The following CD164 variants were observed in gnomAD, a reference collection of about 807,000 sequenced individuals.
CD164 encodes the protein CD164 molecule, also known as sialomucin core protein 24.
A neutral mutation model predicts 24.6 loss-of-function variants in CD164; 11 were observed. The ratio of observed to expected loss-of-function variants is 0.45; its 90% confidence interval spans 0.28 to 0.74. The LOEUF (loss-of-function observed/expected upper bound fraction) is 0.74, where lower values mean the gene tolerates loss of function less well. Ranked by LOEUF, CD164 falls within the 30% of genes least tolerant of loss-of-function variation. CD164 has a pLI of 0.13. For missense variants in CD164, 295 were observed against 243.7 expected, an observed-to-expected ratio of 1.21 and a Z score of -1.40; for synonymous variants, 126 against 100.3, an observed-to-expected ratio of 1.26 and a Z score of -1.53.
At position 109,379,676 on chromosome 6, in the gene CD164, G is replaced by A. The variant is rs771811963; in HGVS notation, c.176-14C>T. ...CTTCACAGGTTTCTGGGGAGTTGGG[G>A]GGAGAGATGCATGAAATCAATGATT... On this transcript the variant is annotated splice_polypyrimidine_tract_variant and intron_variant, in intron 1 of 5. Transcript: ENST00000310786. 1 of 1,592,644 alleles carries A rather than the reference G, an allele frequency of 6.3e-7. No individual in the cohort carries two copies. The highest frequency in any genetic ancestry group is 1.7e-5 in the Admixed American group (1 of 58,208).
chr6:109,369,847 G>A (rs1770979146), intron 5 of CD164, among the ~76,000 whole-genome samples: 1 of 152,102 alleles, frequency 6.6e-6, no homozygotes, highest in Non-Finnish European at 1.5e-5. Flanking sequence ...ATGGAGGGAG[G>A]AAAGGATTCC....
chr6:109,375,199 C>T lies in CD164; in HGVS notation c.370+875G>A, dbSNP rs1470062840. On this transcript the variant is annotated intron_variant, in intron 4 of 5. Transcript: ENST00000310786. Reference sequence around the variant, plus strand: ...CCTAGAAATTCTGTTTGACTCAAACCTATCAGAGATAAATACAAATGCAAT... The same window carrying T: ...CCTAGAAATTCTGTTTGACTCAAACTTATCAGAGATAAATACAAATGCAAT... Among the ~76,000 whole-genome samples, 3 of 152,062 alleles carry T rather than the reference C, an allele frequency of 2.0e-5. No individual in the cohort carries two copies. In the East Asian group the frequency reaches 5.8e-4, roughly 29 times the overall value.
At chr6:109,377,874 T>C in intron 3 of CD164, 26 bp downstream of exon 3, 1 of 1,590,376 alleles carries the variant, frequency 6.3e-7, no homozygotes, top group Non-Finnish European at 8.6e-7. Context: ...GCGGTCAGCT[T>C]CCAAGCAGCC....
At chr6:109,370,985 C>T (rs9372213) in intron 4 of CD164, 88,696 of 154,184 alleles carry the variant, frequency 0.58, 27,218 homozygotes, top group African/African-American at 0.8. Flanking sequence ...AACATGCAGA[C>T]GAATGGGCAT....
At chr6:109,379,390 G>A (rs1158110179) in intron 2 of CD164, among the ~76,000 whole-genome samples, 189 bp downstream of exon 2, 2 of 152,190 alleles carry the variant, frequency 1.3e-5, no homozygotes, top group African/African-American at 4.8e-5. Flanking sequence ...GGAATCTAAA[G>A]GGAGGATGGG....
At chr6:109,377,137 A>C (rs1275605194) in intron 3 of CD164, among the ~76,000 whole-genome samples, 1 of 152,210 alleles carries the variant, frequency 6.6e-6, no homozygotes, top group Admixed American at 6.5e-5. Flanking sequence ...TGTCTCAAAA[A>C]AAGTTTGTTC....
chr6:109,382,321 C>G lies in CD164; in HGVS notation c.58G>C (p.Val20Leu). The change falls in exon 1 of 6, where the codon GTG (valine) becomes CTG (leucine). Residue 20 changes from valine to leucine, a missense_variant. By Grantham distance (32) the Val-to-Leu change is conservative. Transcript: ENST00000310786. The stretch of plus-strand genomic sequence containing the variant: ...GTCGTGTTCTTGTCCGCGGACAGCA[C>G]GCAGAGCACGCCCAGGCAGGTGGCG... ...WAATCLGVLC[V>L]LSADKNTTQH... 1.3e-6 allele frequency: 2 copies of G among 1,574,642 alleles called. No homozygotes were observed. The highest frequency in any genetic ancestry group is 2.3e-5 in the South Asian group (2 of 86,012).
intron 4 of CD164, among the ~76,000 whole-genome samples, chr6:109,375,111 A>G (rs1017160017): frequency 2.6e-5 from 4 of 152,228 alleles, no homozygotes; most frequent in Admixed American, 2.6e-4. Flanking sequence ...AAAACTTTCC[A>G]GGTTGATGGG....
chr6:109,377,822 T>C, intron 3 of CD164, 78 bp downstream of exon 3: 1 of 1,034,774 alleles, frequency 9.7e-7, no homozygotes, highest in East Asian at 2.4e-5. Context: ...AACAAAGCAC[T>C]GAAACAAGGC....
At position 109,366,546 on chromosome 6, in the gene CD164, T is replaced by A. The variant is rs1803962; in HGVS notation, c.*2305A>T. 1 of 152,486 alleles carries A rather than the reference T, an allele frequency of 6.6e-6. No individual in the cohort carries two copies. Among genetic ancestry groups the A allele is most frequent in the South Asian group, 2.1e-4 (1 of 4,832 alleles). The allele number at this position is 152,486 out of a possible 1,614,324, so 9.4% of individuals were successfully genotyped here. On this transcript the variant is annotated 3_prime_UTR_variant, in exon 6 of 6. Coordinates refer to ENST00000310786, the MANE Select transcript of CD164 (RefSeq NM_006016.6). The stretch of plus-strand genomic sequence containing the variant: ...AATAAACATGTAGATTTATTTTAAG[T>A]CAGTTTGGTACATGATACAGATTGG...
chr6:109,382,186 C>A lies in CD164; in HGVS notation c.175+18G>T. On this transcript the variant is annotated intron_variant, in intron 1 of 5. Coordinates refer to ENST00000310786, the MANE Select transcript of CD164 (RefSeq NM_006016.6). ...GCTGGGCAGGGGAGGGCGGGAAGCCCACAGGGCCCGCGCCCACCTGGTGCC... is the reference window on the plus strand; with the variant it reads ...GCTGGGCAGGGGAGGGCGGGAAGCCAACAGGGCCCGCGCCCACCTGGTGCC... 1 of 1,524,678 alleles carries A rather than the reference C, an allele frequency of 6.6e-7. No individual in the cohort carries two copies. The allele number at this position is 1,524,678 out of a possible 1,614,324, so 94.4% of individuals were successfully genotyped here.
chr6:109,371,450 A>G (rs1771071242), intron 4 of CD164: 1 of 153,758 alleles, frequency 6.5e-6, no homozygotes, highest in Non-Finnish European at 1.5e-5. Flanking sequence ...GGGTTTCACC[A>G]TGTTGACCAG....
At chr6:109,381,071 G>T (rs1486567807) in intron 1 of CD164, among the ~76,000 whole-genome samples, 1 of 152,102 alleles carries the variant, frequency 6.6e-6, no homozygotes, top group East Asian at 1.9e-4. Context: ...TTACACTTCG[G>T]CATTCTTCGG....
chr6:109,379,547 C>A, intron 2 of CD164, 32 bp downstream of exon 2: 1 of 1,458,002 alleles, frequency 6.9e-7, no homozygotes, highest in Non-Finnish European at 9.5e-7. Context: ...AATGCTATAA[C>A]AAAACAGTTT....
At position 109,367,322 on chromosome 6, in the gene CD164, T is replaced by C. The variant is rs575165443; in HGVS notation, c.*1529A>G. On this transcript the variant is annotated 3_prime_UTR_variant, in exon 6 of 6. Coordinates refer to ENST00000310786, the MANE Select transcript of CD164 (RefSeq NM_006016.6). ...AATAGTTATCTAAATGCAGAGTTTG[T>C]TTATGAAATGAAACAAAGCAGTTTG... The C allele has an allele frequency of 6.5e-6, 1 of 152,744 alleles. No homozygotes were observed. The highest frequency in any genetic ancestry group is 2.1e-4 in the South Asian group (1 of 4,832). 9.5% of individuals were successfully genotyped at this position (152,744 alleles called of 1,614,324 possible).
chr6:109,372,381 TA>T (rs1273441610), intron 4 of CD164: 1 of 152,168 alleles, frequency 6.6e-6, no homozygotes, highest in African/African-American at 2.4e-5. Context: ...GACTGAATCC[TA>T]GGAAACTAAG....
In CD164 at chr6:109,382,317, A is replaced by G; in HGVS notation, c.62T>C (p.Leu21Pro). The G allele has an allele frequency of 6.4e-7, 1 of 1,574,540 alleles. No homozygotes were observed. The highest frequency in any genetic ancestry group is 8.6e-7 in the Non-Finnish European group (1 of 1,164,292). Residue 21 changes from leucine to proline, a missense_variant, in exon 1 of 6, where the codon CTG (leucine) becomes CCG (proline). Transcript: ENST00000310786. ...AATCLGVLCV[L>P]SADKNTTQHP... ...CTGGGTCGTGTTCTTGTCCGCGGACAGCACGCAGAGCACGCCCAGGCAGGT... is the reference window on the plus strand; with the variant it reads ...CTGGGTCGTGTTCTTGTCCGCGGACGGCACGCAGAGCACGCCCAGGCAGGT...
chr6:109,382,408 AGCTAAG>A lies in CD164; in HGVS notation c.-36_-31del, dbSNP rs1473006631. 23 of 1,487,328 alleles carry A rather than the reference AGCTAAG, an allele frequency of 1.5e-5. No homozygotes were observed. The highest frequency in any genetic ancestry group is 2.0e-5 in the Non-Finnish European group (22 of 1,117,082). The allele number at this position is 1,487,328 out of a possible 1,614,324, so 92.1% of individuals were successfully genotyped here. A position where few individuals can be genotyped will look rare whatever the true frequency, so the allele number is the denominator to read the frequency against. ...TCCTCAGCGCTGGCGTTCGGGAGAAAGCTAAGGCTCGCAACGCTCAGTCAACCCCTC... is the reference window on the plus strand; with the variant it reads ...TCCTCAGCGCTGGCGTTCGGGAGAAAGCTCGCAACGCTCAGTCAACCCCTC... On this transcript the variant is annotated 5_prime_UTR_variant, in exon 1 of 6. Coordinates refer to ENST00000310786, the MANE Select transcript of CD164 (RefSeq NM_006016.6).
At chr6:109,381,020 AGAG>A (rs1771707211) in intron 1 of CD164, among the ~76,000 whole-genome samples, 1 of 152,254 alleles carries the variant, frequency 6.6e-6, no homozygotes, top group Admixed American at 6.5e-5. Flanking sequence ...TACTAAAACT[AGAG>A]GAGAATTTGT....
Sources: gnomAD v4.1 joint callset for allele counts (sites outside exome capture counted in the v4.1 genomes callset) on GRCh38, gnomAD v4.1.1 for gene constraint, MANE v1.5 for transcripts, NCBI Gene and HGNC (gene_info 2026-07-23, HGNC 2026-07-21) for gene names.